Variants in MAP1B observed in about 807,000 individuals in gnomAD.
MAP1B encodes microtubule associated protein 1B.
MAP1B carries 12 observed loss-of-function variants against 176.1 expected under a neutral mutation model. That is an observed-to-expected ratio of 0.07 (90% CI 0.04 to 0.11). The LOEUF (loss-of-function observed/expected upper bound fraction) is 0.11. MAP1B is among the 10% of genes least tolerant of loss of function. The probability of loss-of-function intolerance (pLI) is 1.00; values close to 1 mark genes in which losing one functional copy is unlikely to be tolerated. For missense variants in MAP1B, 2,523 were observed against 2,990.5 expected, an observed-to-expected ratio of 0.84 and a Z score of 3.65; for synonymous variants, 1,044 against 1,135.0, an observed-to-expected ratio of 0.92 and a Z score of 1.61.
intron 2 of MAP1B, among the ~76,000 whole-genome samples, chr5:72,165,987 C>A (rs1746421080): frequency 6.6e-6 from 1 of 152,184 alleles, no homozygotes; most frequent in Non-Finnish European, 1.5e-5. Flanking sequence ...CACAACAACT[C>A]TTAGGGTAGG....
Position 72,199,721 on chromosome 5 carries a change from C to G in MAP1B, c.6366C>G (p.Pro2122=), listed in dbSNP as rs747229893. 5.5e-5 allele frequency: 89 copies of G among 1,613,976 alleles called. No individual in the cohort carries two copies. The highest frequency in any genetic ancestry group is 1.6e-4 in the Middle Eastern group (1 of 6,084). Residue 2122 remains proline, a synonymous_variant, in exon 5 of 7, where the codon CCC becomes CCG. Coordinates refer to ENST00000296755, the MANE Select transcript of MAP1B (RefSeq NM_005909.5). This position sits in a 1 kb window ranked among gnomAD's most constrained non-coding sequence, Gnocchi z 4.2. ...SEEPTEESEK[P]LTQSGGAPPP... ...AACCCACTGAAGAATCTGAAAAGCCCCTCACTCAATCAGGGGGAGCCCCAC... is the reference window on the plus strand; with the variant it reads ...AACCCACTGAAGAATCTGAAAAGCCGCTCACTCAATCAGGGGGAGCCCCAC...
At chr5:72,117,236 A>T (rs1330276796) in intron 2 of MAP1B, among the ~76,000 whole-genome samples, 2 of 152,136 alleles carry the variant, frequency 1.3e-5, no homozygotes, top group Non-Finnish European at 2.9e-5. Flanking sequence ...TCTTGTTGTT[A>T]TTTTATTGTA....
At chr5:72,178,268 C>G (rs577410705) in intron 2 of MAP1B, among the ~76,000 whole-genome samples, 377 of 152,222 alleles carry the variant, frequency 2.5e-3, no homozygotes, top group Non-Finnish European at 4.4e-3. Context: ...CTCCCAAAGT[C>G]CTGGGATTAC....
chr5:72,161,334 A>C (rs1031064997), intron 2 of MAP1B, among the ~76,000 whole-genome samples: 1 of 152,254 alleles, frequency 6.6e-6, no homozygotes, highest in Non-Finnish European at 1.5e-5. Flanking sequence ...AATCAATGTC[A>C]TAATAATACT....
rs1006804082 is a variant in MAP1B, at chr5:72,207,976, T to G, written c.*2737T>G. 7.4e-6 allele frequency: 1 copy of G among 134,650 alleles called. No individual in the cohort carries two copies. The highest frequency in any genetic ancestry group is 2.5e-5 in the African/African-American group (1 of 39,444). The allele number at this position is 134,650 out of a possible 1,614,324, so 8.3% of individuals were successfully genotyped here. ...TCTCTCTCTCTCTTTTTTTTTTTTT[T>G]TTTTTTTGCTATGGGATTTAATGGG... On this transcript the variant is annotated 3_prime_UTR_variant, in exon 7 of 7. Coordinates refer to ENST00000296755, the MANE Select transcript of MAP1B (RefSeq NM_005909.5).
At position 72,107,592 on chromosome 5, in the gene MAP1B, G is replaced by A. The variant is rs1217240218; in HGVS notation, c.61G>A (p.Ala21Thr). The change falls in exon 1 of 7, where the codon GCG (alanine) becomes ACG (threonine). Residue 21 changes from alanine to threonine, a missense_variant. Coordinates refer to ENST00000296755, the MANE Select transcript of MAP1B (RefSeq NM_005909.5). ...PEPSGSIANP[A>T]ASTSPSLSHR... ...GCCGTCCGGCAGCATCGCCAACCCG[G>A]CGGCGTCCACCTCGCCTAGCCTGTC... is the stretch of plus-strand genomic sequence containing the variant. The A allele has an allele frequency of 3.1e-6, 5 of 1,594,288 alleles. No individual in the cohort carries two copies. Among genetic ancestry groups the A allele is most frequent in the Non-Finnish European group, 4.2e-6 (5 of 1,176,594 alleles).
At chr5:72,143,015 A>G (rs1745976251) in intron 2 of MAP1B, among the ~76,000 whole-genome samples, 1 of 152,170 alleles carries the variant, frequency 6.6e-6, no homozygotes, top group Non-Finnish European at 1.5e-5. Context: ...GTCTGATTGC[A>G]TAGGTGTCCA....
intron 2 of MAP1B, among the ~76,000 whole-genome samples, chr5:72,135,716 G>A (rs929471987): frequency 7.9e-5 from 12 of 152,256 alleles, no homozygotes; most frequent in African/African-American, 2.4e-4. Flanking sequence ...TGTGAAAAAG[G>A]ATGAATCCAA....
chr5:72,202,024 TA>T (rs773791714), intron 5 of MAP1B, among the ~76,000 whole-genome samples: 1 of 152,174 alleles, frequency 6.6e-6, no homozygotes, highest in Non-Finnish European at 1.5e-5. Context: ...ACACAATTTT[TA>T]AAAAAACTTT....
chr5:72,122,800 A>G (rs1745554992), intron 2 of MAP1B, among the ~76,000 whole-genome samples: 1 of 150,138 alleles, frequency 6.7e-6, no homozygotes, highest in Admixed American at 6.6e-5. Flanking sequence ...GAGCCATTTT[A>G]GGAGATGTCA....
Position 72,153,007 on chromosome 5 carries a change from G to A in MAP1B, c.287-30736G>A, listed in dbSNP as rs922598294. On this transcript the variant is annotated intron_variant, in intron 2 of 6. Transcript: ENST00000296755. ...AGTCTGAGAAGAAAGCCTGTCTAGA[G>A]TCACAGGAGTGAAAATAAGAAAACA... Among the ~76,000 whole-genome samples, 162 of 152,282 alleles carry A rather than the reference G, an allele frequency of 1.1e-3. 1 individual carries two copies. The highest frequency in any genetic ancestry group is 3.6e-3 in the African/African-American group (151 of 41,546).
intron 2 of MAP1B, among the ~76,000 whole-genome samples, chr5:72,120,468 A>T (rs1259146397): frequency 4.9e-5 from 7 of 143,708 alleles, no homozygotes; most frequent in Non-Finnish European, 7.5e-5. Context: ...TCTGTTGCCC[A>T]GGCTGGAGTG....
At chr5:72,201,166 C>A (rs912567880) in intron 5 of MAP1B, among the ~76,000 whole-genome samples, 4 of 150,916 alleles carry the variant, frequency 2.7e-5, no homozygotes, top group African/African-American at 9.8e-5. Flanking sequence ...AAGTTGAGAC[C>A]AGCCTGTGCA....
intron 1 of MAP1B, among the ~76,000 whole-genome samples, chr5:72,114,634 A>T (rs1351940652): frequency 6.6e-6 from 1 of 152,232 alleles, no homozygotes; most frequent in Non-Finnish European, 1.5e-5. Context: ...ACACACACAC[A>T]CCAGAGTTCT....
At chr5:72,118,256 C>A (rs1228831600) in intron 2 of MAP1B, among the ~76,000 whole-genome samples, 1 of 151,842 alleles carries the variant, frequency 6.6e-6, no homozygotes, top group African/African-American at 2.4e-5. Context: ...AATGACCCTC[C>A]CACCTCAGCC....
chr5:72,193,979 C>T lies in MAP1B; in HGVS notation c.624C>T (p.Asp208=). 6.2e-7 allele frequency: 1 copy of T among 1,614,192 alleles called. No individual in the cohort carries two copies. Among genetic ancestry groups the T allele is most frequent in the Non-Finnish European group, 8.5e-7 (1 of 1,180,036 alleles). ...NSNLDRHNLQ[D]FINIKLNSAS... ...ATCTTGACAGACACAATCTCCAAGA[C>T]TTCATCAATATTAAACTCAATTCAG... Residue 208 remains aspartate, a synonymous_variant, in exon 5 of 7, where the codon GAC becomes GAT. Coordinates refer to ENST00000296755, the MANE Select transcript of MAP1B (RefSeq NM_005909.5).
intron 2 of MAP1B, among the ~76,000 whole-genome samples, chr5:72,153,622 T>A (rs1746181932): frequency 6.6e-6 from 1 of 151,930 alleles, no homozygotes; most frequent in African/African-American, 2.4e-5. Flanking sequence ...GTGGTGGTGG[T>A]GAAGAAGACG....
At chr5:72,190,426 T>C (rs920937381) in intron 4 of MAP1B, among the ~76,000 whole-genome samples, 1 of 152,260 alleles carries the variant, frequency 6.6e-6, no homozygotes, top group African/African-American at 2.4e-5. Flanking sequence ...ATGGATATTA[T>C]TGTTAAGCCA....
rs1463013538 is a variant in MAP1B, at chr5:72,111,358, G to T, written c.184+3643G>T. 2.0e-5 allele frequency among the ~76,000 whole-genome samples: 3 copies of T among 152,144 alleles called. No homozygotes were observed. In the South Asian group the frequency reaches 6.2e-4, roughly 32 times the overall value. On this transcript the variant is annotated intron_variant, in intron 1 of 6. Coordinates refer to ENST00000296755, the MANE Select transcript of MAP1B (RefSeq NM_005909.5). ...ATAACTTTTCCTTTAGTTAACACTG[G>T]GAATCAGCAAGATTTGTTGGTGAAA...
Sources: allele counts gnomAD v4.1 joint callset (sites outside exome capture counted in the v4.1 genomes callset), GRCh38; gene constraint gnomAD v4.1.1; non-coding constraint Gnocchi (gnomAD v3.1); transcripts MANE v1.5; gene names NCBI Gene and HGNC (gene_info 2026-07-23, HGNC 2026-07-21).